Variants in FTO observed in about 807,000 individuals in gnomAD.
The protein encoded by FTO is alpha-ketoglutarate-dependent dioxygenase FTO.
FTO carries 47 observed loss-of-function variants against 63.9 expected under a neutral mutation model. The ratio of observed to expected loss-of-function variants is 0.74; its 90% CI spans 0.58 to 0.94. FTO has a LOEUF of 0.94. Ranked by LOEUF, FTO falls within the 40% of genes least tolerant of loss-of-function variation. FTO has a pLI of 0.00. For missense variants in FTO, 562 were observed against 618.1 expected, an observed-to-expected ratio of 0.91 and a Z score of 0.96; for synonymous variants, 207 against 224.4, an observed-to-expected ratio of 0.92 and a Z score of 0.69.
intron 8 of FTO, among the ~76,000 whole-genome samples, chr16:54,100,904 G>C (rs769279283): frequency 4.6e-5 from 7 of 152,080 alleles, no homozygotes; most frequent in Non-Finnish European, 8.8e-5. Context: ...AGCAGTAAAG[G>C]GGAAAAGGCA....
At chr16:53,856,203 T>G (rs945828595) in intron 4 of FTO, among the ~76,000 whole-genome samples, 5 of 152,146 alleles carry the variant, frequency 3.3e-5, no homozygotes, top group Non-Finnish European at 7.3e-5. Flanking sequence ...TTTTTTTCAG[T>G]CGATCTTTAT....
intron 8 of FTO, among the ~76,000 whole-genome samples, chr16:54,080,500 G>C (rs912884821): frequency 6.6e-6 from 1 of 152,180 alleles, no homozygotes; most frequent in Non-Finnish European, 1.5e-5. Context: ...CCCACGTTCA[G>C]TTGTACAGTC....
At chr16:53,720,259 C>A (rs1022137553) in intron 1 of FTO, among the ~76,000 whole-genome samples, 1 of 152,128 alleles carries the variant, frequency 6.6e-6, no homozygotes, top group South Asian at 2.1e-4. Flanking sequence ...GATGTTTCAT[C>A]TGTAAAATGG....
intron 7 of FTO, among the ~76,000 whole-genome samples, chr16:53,920,803 T>G (rs978604993): frequency 6.6e-6 from 1 of 152,176 alleles, no homozygotes; most frequent in Non-Finnish European, 1.5e-5. Context: ...TCGTAAGCAC[T>G]AAATAAACAT....
chr16:53,732,650 A>G (rs1183898218), intron 1 of FTO, among the ~76,000 whole-genome samples: 1 of 152,212 alleles, frequency 6.6e-6, no homozygotes, highest in Non-Finnish European at 1.5e-5. Context: ...CTTCTGATAA[A>G]AGGAGAATGA....
At chr16:53,950,244 C>G (rs1317809403) in intron 8 of FTO, among the ~76,000 whole-genome samples, 1 of 148,788 alleles carries the variant, frequency 6.7e-6, no homozygotes, top group Admixed American at 6.9e-5. Flanking sequence ...AAAAAACAGC[C>G]CCACACAGTA....
At chr16:53,996,380 G>A (rs1474559380) in intron 8 of FTO, among the ~76,000 whole-genome samples, 3 of 152,154 alleles carry the variant, frequency 2.0e-5, no homozygotes, top group Non-Finnish European at 4.4e-5. Context: ...TTGGTGGCTG[G>A]CCTCTATTCT....
At chr16:53,722,982 G>A (rs917854259) in intron 1 of FTO, among the ~76,000 whole-genome samples, 1 of 152,040 alleles carries the variant, frequency 6.6e-6, no homozygotes, top group African/African-American at 2.4e-5. Flanking sequence ...TATGTGTCCC[G>A]ATTCATTTTG....
At chr16:53,903,749 G>A (rs1455078825) in intron 7 of FTO, among the ~76,000 whole-genome samples, 2 of 152,114 alleles carry the variant, frequency 1.3e-5, no homozygotes, top group Non-Finnish European at 2.9e-5. Context: ...ATATTGTAGT[G>A]AGTATCCTAA....
intron 3 of FTO, among the ~76,000 whole-genome samples, chr16:53,842,932 C>T (rs1436741087): frequency 6.6e-6 from 1 of 152,204 alleles, no homozygotes; most frequent in Non-Finnish European, 1.5e-5. Context: ...CCCTTGGCCT[C>T]CCAAAGTGCT....
chr16:54,094,084 C>T (rs2086457617), intron 8 of FTO, among the ~76,000 whole-genome samples: 1 of 152,160 alleles, frequency 6.6e-6, no homozygotes, highest in African/African-American at 2.4e-5. Flanking sequence ...CAGACCCACG[C>T]TTTCAAAGCC....
intron 1 of FTO, among the ~76,000 whole-genome samples, chr16:53,805,320 A>G (rs986135387): frequency 3.9e-5 from 6 of 152,092 alleles, no homozygotes; most frequent in African/African-American, 9.7e-5. Context: ...CTCTCAAACC[A>G]TATCTCTATG....
intron 6 of FTO, among the ~76,000 whole-genome samples, chr16:53,888,469 A>G (rs541365978): frequency 1.3e-5 from 2 of 152,162 alleles, no homozygotes; most frequent in Non-Finnish European, 1.5e-5. Flanking sequence ...TTGTTTTATT[A>G]GTAGCTTGGC....
intron 8 of FTO, among the ~76,000 whole-genome samples, chr16:53,942,609 T>C (rs1430819703): frequency 6.6e-6 from 1 of 152,210 alleles, no homozygotes; most frequent in East Asian, 1.9e-4. Context: ...CAGCTGTTTT[T>C]TCCTGGTCAC....
chr16:53,879,772 C>CA, intron 5 of FTO, 72 bp from the exon 6 acceptor site: 1 of 1,490,118 alleles, frequency 6.7e-7, no homozygotes, highest in East Asian at 2.7e-5. Flanking sequence ...CAAATATGAA[C>CA]AATCCTAGGA....
intron 7 of FTO, among the ~76,000 whole-genome samples, chr16:53,914,482 C>T (rs962911186): frequency 6.6e-6 from 1 of 152,086 alleles, no homozygotes; most frequent in African/African-American, 2.4e-5. Context: ...GAATTGTACT[C>T]TCTAAAGTCA....
intron 1 of FTO, among the ~76,000 whole-genome samples, chr16:53,799,408 C>CT (rs1180309430): frequency 8.6e-5 from 13 of 151,886 alleles, no homozygotes; most frequent in Middle Eastern, 3.4e-3. Flanking sequence ...TTTTCTTTTT[C>CT]TTTTTTTTCT....
chr16:54,094,464 G>A (rs2086466219), intron 8 of FTO, among the ~76,000 whole-genome samples: 1 of 152,198 alleles, frequency 6.6e-6, no homozygotes, highest in Non-Finnish European at 1.5e-5. Context: ...AGCAAACCTT[G>A]CACTGACTCA....
rs1056787500 is a variant in FTO, at chr16:54,121,805, A to G, written c.*9890A>G. The G allele has an allele frequency of 1.3e-5, 2 of 152,188 alleles. No homozygotes were observed. Among genetic ancestry groups the G allele is most frequent in the Admixed American group, 1.3e-4 (2 of 15,288 alleles). The allele number at this position is 152,188 out of a possible 1,614,324, so 9.4% of individuals were successfully genotyped here. The stretch of plus-strand genomic sequence containing the variant: ...CTAAAGGGTGTCCTATTTATAAGTC[A>G]GTAAAACACAGCGGCTTCATACTCT... On this transcript the variant is annotated 3_prime_UTR_variant, in exon 9 of 9. Coordinates refer to ENST00000471389, the MANE Select transcript of FTO (RefSeq NM_001080432.3).
Sources: allele counts gnomAD v4.1 joint callset (sites outside exome capture counted in the v4.1 genomes callset), GRCh38; gene constraint gnomAD v4.1.1; transcripts MANE v1.5; gene names NCBI Gene and HGNC (gene_info 2026-07-23, HGNC 2026-07-21).